Variants in RGS18 observed in about 807,000 individuals in gnomAD.
RGS18 encodes the protein regulator of G-protein signaling 18.
A neutral mutation model predicts 27.6 loss-of-function variants in RGS18; 22 were observed. That is an observed-to-expected ratio of 0.80 (90% CI 0.57 to 1.14). RGS18 has a LOEUF of 1.14. Ranked by LOEUF, RGS18 falls within the 50% of genes most tolerant of loss-of-function variation. The pLI, the probability that RGS18 is intolerant of heterozygous loss-of-function variation, is 0.00. For synonymous variants in RGS18, 89 were observed against 84.6 expected (o/e 1.05, Z -0.29); for missense variants, 299 against 269.6 (o/e 1.11, Z -0.76).
intron 3 of RGS18, among the ~76,000 whole-genome samples, chr1:192,167,011 C>T (rs1018327818): frequency 3.3e-5 from 5 of 152,242 alleles, no homozygotes; most frequent in Non-Finnish European, 5.9e-5. Flanking sequence ...TCCGTGTGTA[C>T]CCTTTTATCC....
intron 4 of RGS18, among the ~76,000 whole-genome samples, chr1:192,182,255 A>G (rs1656468720): frequency 6.6e-6 from 1 of 151,558 alleles, no homozygotes; most frequent in East Asian, 1.9e-4. Context: ...TTAATTTTTG[A>G]GGAACCCTTA....
intron 3 of RGS18, among the ~76,000 whole-genome samples, chr1:192,174,953 CT>C (rs1222034451): frequency 6.6e-6 from 1 of 151,476 alleles, no homozygotes; most frequent in African/African-American, 2.4e-5. Flanking sequence ...TATTTGTTTC[CT>C]CATTTTGTTG....
chr1:192,176,310 A>C (rs1656357171), intron 3 of RGS18, among the ~76,000 whole-genome samples: 1 of 151,826 alleles, frequency 6.6e-6, no homozygotes, highest in South Asian at 2.1e-4. Context: ...TTCCAAATAC[A>C]TCATAATGCC....
intron 3 of RGS18, among the ~76,000 whole-genome samples, chr1:192,180,067 TA>T (rs1034240930): frequency 2.0e-5 from 3 of 151,608 alleles, no homozygotes; most frequent in African/African-American, 7.3e-5. Flanking sequence ...TAAGTAGAGT[TA>T]AAAAAGATAG....
rs1452387799 is a variant in RGS18, at chr1:192,184,466, A to G, written c.620A>G (p.Gln207Arg). 6.2e-7 allele frequency: 1 copy of G among 1,611,790 alleles called. No individual in the cohort carries two copies. The highest frequency in any genetic ancestry group is 8.5e-7 in the Non-Finnish European group (1 of 1,178,516). Reference sequence around the variant, plus strand: ...TTAGACTTGATGGAAGGAAGACCTCAGAGACCAACAAATCTTAGGAGACGA... The same window carrying G: ...TTAGACTTGATGGAAGGAAGACCTCGGAGACCAACAAATCTTAGGAGACGA... ...IYLDLMEGRP[Q>R]RPTNLRRRSR... Residue 207 changes from glutamine to arginine, a missense_variant, in exon 5 of 5, where the codon CAG (glutamine) becomes CGG (arginine). Gln to Arg is a conservative substitution (Grantham distance 43, BLOSUM62 1). Coordinates refer to ENST00000367460, the MANE Select transcript of RGS18 (RefSeq NM_130782.3).
At chr1:192,168,505 G>T (rs545181185) in intron 3 of RGS18, 1 of 152,234 alleles carries the variant, frequency 6.6e-6, no homozygotes, top group African/African-American at 2.4e-5. Context: ...AGTAACAAAG[G>T]GCTTTTGCAT....
At chr1:192,181,220 T>A in intron 3 of RGS18, 72 bp from the exon 4 acceptor site, 1 of 851,210 alleles carries the variant, frequency 1.2e-6, no homozygotes, top group Non-Finnish European at 1.8e-6. Flanking sequence ...TGCAATTATG[T>A]TTTATTATCA....
At chr1:192,165,672 T>C (rs1461275878) in intron 3 of RGS18, among the ~76,000 whole-genome samples, 2 of 152,222 alleles carry the variant, frequency 1.3e-5, no homozygotes, top group African/African-American at 2.4e-5. Context: ...GTTCCCCTGA[T>C]ACCTTCTGCA....
intron 3 of RGS18, among the ~76,000 whole-genome samples, chr1:192,178,602 A>G (rs963481561): frequency 6.6e-6 from 1 of 151,578 alleles, no homozygotes; most frequent in East Asian, 1.9e-4. Context: ...AAAAATGTTC[A>G]CTAACTATAA....
At chr1:192,169,835 A>T (rs1656225352) in intron 3 of RGS18, 2 of 152,212 alleles carry the variant, frequency 1.3e-5, no homozygotes, top group South Asian at 4.1e-4. Context: ...TTAAAAAATT[A>T]GAAAGAATCT....
Position 192,158,715 on chromosome 1 carries a change from T to C in RGS18, c.78T>C (p.His26=), listed in dbSNP as rs1256320635. Residue 26 remains histidine, a synonymous_variant, in exon 1 of 5, where the codon CAT becomes CAC. Transcript: ENST00000367460. ...SKEKTFFKLI[H]GSGKEETSKE... is the part of the protein sequence containing the mutation. Reference sequence around the variant, plus strand: ...AAAAAACTTTTTTCAAGTTAATACATGGTTCAGGAAAAGAAGAAACAAGCA... The same window carrying C: ...AAAAAACTTTTTTCAAGTTAATACACGGTTCAGGAAAAGAAGAAACAAGCA... The C allele has an allele frequency of 3.8e-6, 6 of 1,579,552 alleles. No homozygotes were observed. The highest frequency in any genetic ancestry group is 3.8e-5 in the Admixed American group (2 of 53,228).
intron 3 of RGS18, among the ~76,000 whole-genome samples, chr1:192,173,420 G>T (rs911467830): frequency 3.3e-5 from 5 of 151,534 alleles, no homozygotes; most frequent in Non-Finnish European, 7.4e-5. Flanking sequence ...TTTTTATGGG[G>T]CAGAGTGTCA....
chr1:192,184,455 A>G lies in RGS18; in HGVS notation c.609A>G (p.Glu203=). Residue 203 remains glutamate (E), a synonymous_variant, in exon 5 of 5, where the codon GAA becomes GAG. Coordinates refer to ENST00000367460, the MANE Select transcript of RGS18 (RefSeq NM_130782.3). ...CTGACATCTATTTAGACTTGATGGA[A>G]GGAAGACCTCAGAGACCAACAAATC... ...LKSDIYLDLM[E]GRPQRPTNLR... is the part of the protein sequence containing the mutation. 1 of 1,611,840 alleles carries G rather than the reference A, an allele frequency of 6.2e-7. No homozygotes were observed. Among genetic ancestry groups the G allele is most frequent in the Non-Finnish European group, 8.5e-7 (1 of 1,178,566 alleles).
Position 192,181,386 on chromosome 1 carries a change from G to T in RGS18, c.378G>T (p.Lys126Asn). 6.3e-7 allele frequency: 1 copy of T among 1,593,514 alleles called. No homozygotes were observed. ...CCTGTGAAGATTTCAAGAAAAGCAA[G>T]GGACCTCAACAAATTCACCTTAAAG... ...WIACEDFKKS[K>N]GPQQIHLKAK... Residue 126 changes from lysine to asparagine, a missense_variant, in exon 4 of 5, where the codon AAG becomes AAT. Transcript: ENST00000367460.
Position 192,158,515 on chromosome 1 carries a change from G to A in RGS18, c.-123G>A, listed in dbSNP as rs2102148364. On this transcript the variant is annotated 5_prime_UTR_variant, in exon 1 of 5. Transcript: ENST00000367460. ...AAACGCAGCTCTTGACTTCTTTTTTGTAAACATTACTGTAAGAGTTGTGAT... is the reference window on the plus strand; with the variant it reads ...AAACGCAGCTCTTGACTTCTTTTTTATAAACATTACTGTAAGAGTTGTGAT... The A allele has an allele frequency of 1.1e-6, 1 of 878,058 alleles. No homozygotes were observed. The highest frequency in any genetic ancestry group is 3.5e-5 in the East Asian group (1 of 28,200). The allele number at this position is 878,058 out of a possible 1,614,324, so 54.4% of individuals were successfully genotyped here. A position where few individuals can be genotyped will look rare whatever the true frequency, so the allele number is the denominator to read the frequency against.
intron 3 of RGS18, among the ~76,000 whole-genome samples, chr1:192,163,864 T>G (rs1381637979): frequency 2.8e-5 from 2 of 70,416 alleles, no homozygotes; most frequent in African/African-American, 6.3e-5. Flanking sequence ...TGAATATATA[T>G]ATATATTTTT....
intron 2 of RGS18, 62 bp from the exon 3 acceptor site, chr1:192,160,316 G>A (rs1450961303): frequency 3.8e-6 from 4 of 1,048,130 alleles, no homozygotes; most frequent in Non-Finnish European, 5.9e-6. Context: ...GCATATGTTA[G>A]AACAGATTCA....
At chr1:192,175,910 G>C in intron 3 of RGS18, among the ~76,000 whole-genome samples, 1 of 151,764 alleles carries the variant, frequency 6.6e-6, no homozygotes, top group East Asian at 1.9e-4. Flanking sequence ...AGGCACCAAG[G>C]GATAATAGAA....
intron 3 of RGS18, among the ~76,000 whole-genome samples, chr1:192,167,515 G>A (rs1402158710): frequency 6.6e-6 from 1 of 151,934 alleles, no homozygotes; most frequent in African/African-American, 2.4e-5. Flanking sequence ...CACCTCCTGG[G>A]TTCAAGCGAT....
Sources: allele counts gnomAD v4.1 joint callset (sites outside exome capture counted in the v4.1 genomes callset), GRCh38; gene constraint gnomAD v4.1.1; transcripts MANE v1.5; gene names NCBI Gene and HGNC (gene_info 2026-07-23, HGNC 2026-07-21).